The following CUX2 variants were observed in gnomAD, a reference collection of about 807,000 sequenced individuals.
CUX2 encodes homeobox protein cut-like 2.
In CUX2, 40 loss-of-function variants were observed where a neutral mutation model predicts 144.8. The observed-to-expected ratio is 0.28, with a 90% CI of 0.21 to 0.36. The LOEUF (loss-of-function observed/expected upper bound fraction) is 0.36. Ranked by LOEUF, CUX2 falls within the 10% of genes least tolerant of loss-of-function variation. The pLI is 1.00. For missense variants in CUX2, 1,615 were observed against 1,994.0 expected (o/e 0.81, Z 3.62); for synonymous variants, 827 against 875.6 (o/e 0.94, Z 0.98).
intron 1 of CUX2, among the ~76,000 whole-genome samples, chr12:111,041,929 C>G (rs548229828): frequency 6.6e-6 from 1 of 152,338 alleles, no homozygotes; most frequent in Admixed American, 6.5e-5. Flanking sequence ...CCTGCTGTCT[C>G]TGCTTCTTCC....
chr12:111,036,724 T>A (rs896419874), intron 1 of CUX2, among the ~76,000 whole-genome samples: 1 of 151,056 alleles, frequency 6.6e-6, no homozygotes, highest in Admixed American at 6.6e-5. Context: ...TACATCGATA[T>A]TAAGTGGAGG....
chr12:111,338,216 A>G lies in CUX2; in HGVS notation c.3197-70A>G, dbSNP rs58836609. ...CTCCCCTGTGTCTCTGGCCTATTCCATGTCTCTCCTGGGAGTAGGCTTCTC... is the reference window on the plus strand; with the variant it reads ...CTCCCCTGTGTCTCTGGCCTATTCCGTGTCTCTCCTGGGAGTAGGCTTCTC... On this transcript the variant is annotated intron_variant, in intron 19 of 21. Transcript: ENST00000261726. The G allele has an allele frequency of 4.1e-4, 606 of 1,474,104 alleles. 2 individuals carry two copies. In the African/African-American group the frequency reaches 7.2e-3, roughly 18 times the overall value. The allele number at this position is 1,474,104 out of a possible 1,614,324, so 91.3% of individuals were successfully genotyped here. A position where few individuals can be genotyped will look rare whatever the true frequency, so the allele number is the denominator to read the frequency against.
intron 4 of CUX2, among the ~76,000 whole-genome samples, chr12:111,288,369 A>G (rs1045123422): frequency 6.6e-6 from 1 of 152,104 alleles, no homozygotes; most frequent in African/African-American, 2.4e-5. Context: ...TGCTACATTT[A>G]TGGTGAGGCA....
chr12:111,284,522 G>A (rs1195690207), intron 4 of CUX2, among the ~76,000 whole-genome samples: 3 of 152,208 alleles, frequency 2.0e-5, no homozygotes, highest in Non-Finnish European at 4.4e-5. Flanking sequence ...AGGTGTACCA[G>A]GCACTGTGTT....
intron 1 of CUX2, among the ~76,000 whole-genome samples, chr12:111,191,096 T>C (rs1399811573): frequency 1.3e-5 from 2 of 152,178 alleles, no homozygotes; most frequent in Non-Finnish European, 2.9e-5. Context: ...GATCTGCAGC[T>C]ACGCCACTCA....
chr12:111,261,416 C>T (rs1884123458), intron 3 of CUX2, among the ~76,000 whole-genome samples: 1 of 150,744 alleles, frequency 6.6e-6, no homozygotes, highest in African/African-American at 2.4e-5. Context: ...ATTGCCCCCT[C>T]CTCAGGGCTC....
At chr12:111,200,844 G>C (rs1000434650) in intron 1 of CUX2, among the ~76,000 whole-genome samples, 1 of 152,040 alleles carries the variant, frequency 6.6e-6, no homozygotes, top group Non-Finnish European at 1.5e-5. Context: ...TTCCATCTTC[G>C]TGCTTACAAA....
At chr12:111,185,197 C>T (rs1879453307) in intron 1 of CUX2, among the ~76,000 whole-genome samples, 2 of 152,190 alleles carry the variant, frequency 1.3e-5, no homozygotes, top group South Asian at 2.1e-4. Flanking sequence ...AAGGTGGGCA[C>T]CTCTGGAGGA....
chr12:111,249,660 T>C (rs916798740), intron 3 of CUX2, among the ~76,000 whole-genome samples: 2 of 152,050 alleles, frequency 1.3e-5, no homozygotes, highest in African/African-American at 4.8e-5. Flanking sequence ...TTTCACCATG[T>C]TGGCCAGGCT....
At chr12:111,316,899 C>A (rs1257642986) in intron 16 of CUX2, among the ~76,000 whole-genome samples, 1 of 152,172 alleles carries the variant, frequency 6.6e-6, no homozygotes, top group African/African-American at 2.4e-5. Flanking sequence ...CACTCTCCCC[C>A]CAGCCCCTGG....
At chr12:111,073,436 T>C (rs1871345991) in intron 1 of CUX2, among the ~76,000 whole-genome samples, 1 of 152,110 alleles carries the variant, frequency 6.6e-6, no homozygotes, top group South Asian at 2.1e-4. Context: ...AGTTGGGGGC[T>C]CCTACAAACA....
intron 1 of CUX2, among the ~76,000 whole-genome samples, chr12:111,045,741 T>C (rs1869967875): frequency 6.6e-6 from 1 of 152,186 alleles, no homozygotes; most frequent in Non-Finnish European, 1.5e-5. Context: ...ACTTCCTCAC[T>C]GAGAGGCTTT....
intron 1 of CUX2, among the ~76,000 whole-genome samples, chr12:111,212,277 TA>T (rs1484656426): frequency 1.3e-5 from 2 of 152,228 alleles, no homozygotes; most frequent in Non-Finnish European, 2.9e-5. Context: ...TCACCTGGCT[TA>T]ATCCTGATAA....
chr12:111,078,407 C>T (rs532989348), intron 1 of CUX2, among the ~76,000 whole-genome samples: 1 of 152,146 alleles, frequency 6.6e-6, no homozygotes, highest in South Asian at 2.1e-4. Context: ...CAGCTTATGC[C>T]TATAATCCCA....
At chr12:111,244,780 T>A (rs1298847334) in intron 3 of CUX2, among the ~76,000 whole-genome samples, 1 of 152,286 alleles carries the variant, frequency 6.6e-6, no homozygotes. Context: ...TGGGGTTGCA[T>A]AAACTCCTCT....
intron 1 of CUX2, among the ~76,000 whole-genome samples, chr12:111,197,049 AAG>A (rs1422558555): frequency 6.6e-6 from 1 of 152,162 alleles, no homozygotes; most frequent in East Asian, 1.9e-4. Context: ...GAGGCACTAA[AAG>A]AGAGTGGACG....
chr12:111,307,380 G>A lies in CUX2; in HGVS notation c.1109+123G>A, dbSNP rs539258431. 2.3e-6 allele frequency: 2 copies of A among 860,366 alleles called. No individual in the cohort carries two copies. The highest frequency in any genetic ancestry group is 3.3e-5 in the South Asian group (2 of 60,326). 53.3% of individuals were successfully genotyped at this position (860,366 alleles called of 1,614,324 possible). A position where few individuals can be genotyped will look rare whatever the true frequency, so the allele number is the denominator to read the frequency against. ...ATTTGTTCTTCTCTCCACTAACACT[G>A]TGGATATCAAACCTTAACCATCCTC... is the stretch of plus-strand genomic sequence containing the variant. On this transcript the variant is annotated intron_variant, in intron 12 of 21. Coordinates refer to ENST00000261726, the MANE Select transcript of CUX2 (RefSeq NM_015267.4). This position sits in a 1 kb window ranked among gnomAD's most constrained non-coding sequence, Gnocchi z 4.1.
intron 3 of CUX2, among the ~76,000 whole-genome samples, chr12:111,226,159 GTC>G (rs946360173): frequency 2.6e-5 from 4 of 152,166 alleles, no homozygotes; most frequent in Non-Finnish European, 4.4e-5. Flanking sequence ...GGCCAGGCTG[GTC>G]TCGAGCTCCT....
At chr12:111,254,562 A>C (rs749246470) in intron 3 of CUX2, among the ~76,000 whole-genome samples, 4 of 152,236 alleles carry the variant, frequency 2.6e-5, no homozygotes, top group Non-Finnish European at 5.9e-5. Context: ...AGTGACTTAC[A>C]CCTGTGAATT....
Sources: allele counts gnomAD v4.1 joint callset (sites outside exome capture counted in the v4.1 genomes callset), GRCh38; gene constraint gnomAD v4.1.1; non-coding constraint Gnocchi (gnomAD v3.1); transcripts MANE v1.5; gene names NCBI Gene and HGNC (gene_info 2026-07-23, HGNC 2026-07-21).